NEK10: variants seen among roughly 807,000 people sequenced by gnomAD.
The protein encoded by NEK10 is serine/threonine-protein kinase Nek10.
Under a neutral mutation model 159.8 loss-of-function variants are expected in NEK10, and 122 were observed. That is an observed-to-expected ratio of 0.76 (90% CI 0.66 to 0.89). The LOEUF (loss-of-function observed/expected upper bound fraction) is 0.89, where lower values mean the gene tolerates loss of function less well. Ranked by LOEUF, NEK10 falls within the 40% of genes least tolerant of loss-of-function variation. The pLI is 0.00. For synonymous variants in NEK10, 466 were observed against 457.1 expected (o/e 1.02, Z -0.25); for missense variants, 1,342 against 1,323.1 (o/e 1.01, Z -0.22).
In NEK10 at chr3:27,284,298, T is replaced by C. The variant is rs934452408; in HGVS notation, c.2014+304A>G. On this transcript the variant is annotated intron_variant, in intron 22 of 35. Transcript: ENST00000691995. ...TATTCAGGATGCTGAGGTGCAAGAATCACTTGAAACCCGGGAGGTGGAGGT... is the reference window on the plus strand; with the variant it reads ...TATTCAGGATGCTGAGGTGCAAGAACCACTTGAAACCCGGGAGGTGGAGGT... Among the ~76,000 whole-genome samples the C allele has an allele frequency of 1.3e-4, 20 of 152,108 alleles. No homozygotes were observed. The Middle Eastern group carries it at 0.01, about 78-fold the overall frequency.
chr3:27,156,929 G>GATAC (rs1553647311), intron 30 of NEK10, among the ~76,000 whole-genome samples: 18 of 28,340 alleles, frequency 6.4e-4, no homozygotes, highest in Non-Finnish European at 1.1e-3. Context: ...TAAAGAAACT[G>GATAC]ATATATATAT....
rs545493864 is a variant in NEK10, at chr3:27,360,433, A to C, written c.-37-7514T>G. Among the ~76,000 whole-genome samples the C allele has an allele frequency of 2.6e-5, 4 of 152,346 alleles. No homozygotes were observed. The South Asian group carries it at 8.3e-4, about 32-fold the overall frequency. ...TAACAAAACAAATGTATAGGTCACC[A>C]GTTGCAGACCATGATTCAGCTCCCT... On this transcript the variant is annotated intron_variant, in intron 1 of 35. Transcript: ENST00000691995.
chr3:27,218,412 C>G (rs1229745961), intron 23 of NEK10, among the ~76,000 whole-genome samples: 2 of 152,044 alleles, frequency 1.3e-5, no homozygotes, highest in East Asian at 3.9e-4. Context: ...TGAGACTAGC[C>G]TCACTAACAC....
chr3:27,230,951 T>G (rs1305840439), intron 23 of NEK10, among the ~76,000 whole-genome samples: 1 of 152,056 alleles, frequency 6.6e-6, no homozygotes, highest in East Asian at 1.9e-4. Context: ...AATAGACAGA[T>G]CATCAAGACA....
At chr3:27,133,793 C>G (rs1266854467) in intron 31 of NEK10, among the ~76,000 whole-genome samples, 1 of 152,090 alleles carries the variant, frequency 6.6e-6, no homozygotes, top group African/African-American at 2.4e-5. Context: ...AAAAATGTAT[C>G]TTTTATCCTA....
rs771050920 is a variant in NEK10 at position 27,119,856 on chromosome 3, A to G, written c.3094T>C (p.Ser1032Pro). 2 of 1,613,536 alleles carry G rather than the reference A, an allele frequency of 1.2e-6. No individual in the cohort carries two copies. Among genetic ancestry groups the G allele is most frequent in the Non-Finnish European group, 8.5e-7 (1 of 1,179,548 alleles). ...AAGTTGGGCTCAATCGGTTCTGGAGATCCCTGAGATAACTGAAATAGAAAA... is the reference window on the plus strand; with the variant it reads ...AAGTTGGGCTCAATCGGTTCTGGAGGTCCCTGAGATAACTGAAATAGAAAA... ...KSEIKKLSQG[S>P]PEPIEPNFFT... is the part of the protein sequence containing the mutation. Residue 1032 changes from serine (S) to proline (P), a missense_variant, in exon 33 of 36, where the codon TCT becomes CCT. Coordinates refer to ENST00000691995, the MANE Select transcript of NEK10 (RefSeq NM_001394966.1).
At chr3:27,267,577 C>T (rs891434315) in intron 22 of NEK10, among the ~76,000 whole-genome samples, 1 of 152,052 alleles carries the variant, frequency 6.6e-6, no homozygotes, top group Non-Finnish European at 1.5e-5. Context: ...TTTGATGTTA[C>T]TATTGTCATT....
At chr3:27,121,462 T>C (rs1941294473) in intron 32 of NEK10, among the ~76,000 whole-genome samples, 1 of 152,168 alleles carries the variant, frequency 6.6e-6, no homozygotes, top group East Asian at 1.9e-4. Flanking sequence ...GAGAGGTAAT[T>C]GAATCATGGG....
At chr3:27,316,418 CA>C (rs1268474862) in intron 6 of NEK10, among the ~76,000 whole-genome samples, 2 of 152,026 alleles carry the variant, frequency 1.3e-5, no homozygotes. Context: ...TTAACTAACA[CA>C]GGGGGAGAGA....
intron 22 of NEK10, among the ~76,000 whole-genome samples, chr3:27,283,512 T>TA (rs1488547044): frequency 1.3e-5 from 2 of 152,286 alleles, no homozygotes; most frequent in Admixed American, 1.3e-4. Flanking sequence ...GCTGGGATGT[T>TA]ACGGTGAAAA....
intron 22 of NEK10, among the ~76,000 whole-genome samples, chr3:27,280,911 T>TGG (rs1553615355): frequency 0.024 from 2,390 of 101,638 alleles, 133 homozygotes; most frequent in Admixed American, 0.16. Context: ...TATGTACATA[T>TGG]GGTGTGTGTG....
rs1481400001 is a variant in NEK10 at position 27,304,747 on chromosome 3, C to A, written c.1028G>T (p.Gly343Val). Residue 343 changes from glycine to valine, a missense_variant and splice_region_variant, in exon 12 of 36, where the codon GGA becomes GTA. Physicochemically the swap from Gly to Val is moderately radical, Grantham distance 109. Coordinates refer to ENST00000691995, the MANE Select transcript of NEK10 (RefSeq NM_001394966.1). ...GIKQLLHILQ[G>V]DRNFVSDHSS... Reference sequence around the variant, plus strand: ...TAGGCCAAAGCCCACTTTTACTCACCCTTGTAAAATATGAAGAAGCTGTTT... The same window carrying A: ...TAGGCCAAAGCCCACTTTTACTCACACTTGTAAAATATGAAGAAGCTGTTT... 1 of 1,605,310 alleles carries A rather than the reference C, an allele frequency of 6.2e-7. No individual in the cohort carries two copies. Among genetic ancestry groups the A allele is most frequent in the Non-Finnish European group, 8.5e-7 (1 of 1,172,072 alleles).
chr3:27,292,760 C>G (rs945182432), intron 16 of NEK10, among the ~76,000 whole-genome samples: 5 of 133,376 alleles, frequency 3.7e-5, no homozygotes, highest in South Asian at 2.2e-4. Flanking sequence ...ACAGGATGAG[C>G]CTTTGTCAAA....
At chr3:27,355,917 A>G (rs899568875) in intron 1 of NEK10, among the ~76,000 whole-genome samples, 1 of 152,180 alleles carries the variant, frequency 6.6e-6, no homozygotes, top group African/African-American at 2.4e-5. Context: ...TTGAATGTCT[A>G]TCCTCTCCAA....
At chr3:27,135,971 A>G (rs1387023103) in intron 31 of NEK10, among the ~76,000 whole-genome samples, 1 of 152,222 alleles carries the variant, frequency 6.6e-6, no homozygotes, top group Non-Finnish European at 1.5e-5. Flanking sequence ...AGTCAGTAGT[A>G]TAATTTTCAT....
At chr3:27,290,827 G>A in intron 18 of NEK10, 73 bp from the exon 19 acceptor site, 1 of 1,179,646 alleles carries the variant, frequency 8.5e-7, no homozygotes, top group Non-Finnish European at 1.2e-6. Flanking sequence ...GAGGAAGAAA[G>A]AGATAGACTA....
chr3:27,218,069 T>C (rs1336198918), intron 23 of NEK10, among the ~76,000 whole-genome samples: 1 of 152,194 alleles, frequency 6.6e-6, no homozygotes, highest in Non-Finnish European at 1.5e-5. Context: ...ACCATGACAG[T>C]TGACCTGATC....
intron 23 of NEK10, among the ~76,000 whole-genome samples, chr3:27,203,456 T>C (rs909305962): frequency 1.3e-5 from 2 of 152,242 alleles, no homozygotes; most frequent in African/African-American, 4.8e-5. Flanking sequence ...GAATCTATTT[T>C]TTAATTTAAT....
chr3:27,344,214 A>C, intron 5 of NEK10, 58 bp downstream of exon 5: 3 of 815,672 alleles, frequency 3.7e-6, no homozygotes, highest in Non-Finnish European at 6.2e-6. Flanking sequence ...TTCTAGAGAC[A>C]AGATAGATGA....
Sources: allele counts gnomAD v4.1 joint callset (sites outside exome capture counted in the v4.1 genomes callset), GRCh38; gene constraint gnomAD v4.1.1; transcripts MANE v1.5; gene names NCBI Gene and HGNC (gene_info 2026-07-23, HGNC 2026-07-21).